The following ONECUT2 variants were observed in gnomAD, a reference collection of about 807,000 sequenced individuals.
ONECUT2 encodes the protein one cut homeobox 2.
Under a neutral mutation model 27.9 loss-of-function variants are expected in ONECUT2, and 10 were observed. The observed-to-expected ratio is 0.36, with a 90% CI of 0.22 to 0.61. ONECUT2 has a LOEUF of 0.61. Among genes scored for constraint, ONECUT2 ranks in the 20% least tolerant of loss-of-function variants. The probability of loss-of-function intolerance (pLI) is 0.73; values close to 1 mark genes in which losing one functional copy is unlikely to be tolerated. For missense variants in ONECUT2, 686 were observed against 721.0 expected, an observed-to-expected ratio of 0.95 and a Z score of 0.56; for synonymous variants, 334 against 315.1, an observed-to-expected ratio of 1.06 and a Z score of -0.64.
In ONECUT2 at chr18:57,489,700, A is replaced by G. The variant is rs1004620677; in HGVS notation, c.*12977A>G. 2.6e-5 allele frequency: 4 copies of G among 152,098 alleles called. No individual in the cohort carries two copies. The highest frequency in any genetic ancestry group is 5.9e-5 in the Non-Finnish European group (4 of 68,036). 9.4% of individuals were successfully genotyped at this position (152,098 alleles called of 1,614,324 possible). A position where few individuals can be genotyped will look rare whatever the true frequency, so the allele number is the denominator to read the frequency against. On this transcript the variant is annotated 3_prime_UTR_variant, in exon 2 of 2. Transcript: ENST00000491143. ...TAGCAATCGGATAGGTAGTCATACC[A>G]TTAACAGATACTTCCTTGAAGGTAG...
chr18:57,475,973 C>T (rs617148), intron 1 of ONECUT2, among the ~76,000 whole-genome samples: 146,579 of 152,218 alleles, frequency 0.96, 70,816 homozygotes, highest in East Asian at 1. Context: ...AGCTTTGATT[C>T]TGAAAAACTA....
At chr18:57,437,067 T>C in intron 1 of ONECUT2, 123 bp downstream of exon 1, 1 of 1,423,922 alleles carries the variant, frequency 7.0e-7, no homozygotes, top group Non-Finnish European at 9.2e-7. Flanking sequence ...CCTATACACG[T>C]CCTCTTTCTT....
At chr18:57,448,390 A>G (rs1024925217) in intron 1 of ONECUT2, among the ~76,000 whole-genome samples, 2 of 152,208 alleles carry the variant, frequency 1.3e-5, no homozygotes, top group Non-Finnish European at 2.9e-5. Flanking sequence ...GGGAAAATCC[A>G]TCCCAAAACA....
chr18:57,459,360 G>A (rs796550220), intron 1 of ONECUT2, among the ~76,000 whole-genome samples: 67 of 152,274 alleles, frequency 4.4e-4, no homozygotes, highest in African/African-American at 1.5e-3. Context: ...AATGAGAAAA[G>A]GGTCAATACA....
intron 1 of ONECUT2, among the ~76,000 whole-genome samples, chr18:57,441,585 G>T (rs2050174397): frequency 6.6e-6 from 1 of 152,278 alleles, no homozygotes; most frequent in Non-Finnish European, 1.5e-5. Flanking sequence ...CGCCTGGGCG[G>T]CTGGGTCCGC....
intron 1 of ONECUT2, among the ~76,000 whole-genome samples, chr18:57,474,830 G>C (rs1405132769): frequency 6.6e-6 from 1 of 152,200 alleles, no homozygotes; most frequent in Admixed American, 6.5e-5. Flanking sequence ...CCAGTGCTTT[G>C]AGAAACATAG....
rs113854018 is a variant in ONECUT2 at position 57,438,035 on chromosome 18, A to G, written c.1228+1091A>G. ...CTCTTTGTGCCTCCTCTAGCGGCCA[A>G]GCTGCGAGGTACAGCCCTCTATTGT... On this transcript the variant is annotated intron_variant, in intron 1 of 1. Coordinates refer to ENST00000491143, the MANE Select transcript of ONECUT2 (RefSeq NM_004852.3). Among the ~76,000 whole-genome samples the G allele has an allele frequency of 2.9e-3, 445 of 152,368 alleles. 1 individual carries two copies. The highest frequency in any genetic ancestry group is 4.6e-3 in the Non-Finnish European group (315 of 68,036).
rs2122124023 is a variant in ONECUT2 at position 57,457,197 on chromosome 18, T to C, written c.1229-19240T>C. ...TTTTCCACATCCTTGCCAACATTTG[T>C]TATTTTTTGTTTTCATTTTGTTTTG... is the stretch of plus-strand genomic sequence containing the variant. On this transcript the variant is annotated intron_variant, in intron 1 of 1. Transcript: ENST00000491143. Among the ~76,000 whole-genome samples, 4 of 152,298 alleles carry C rather than the reference T, an allele frequency of 2.6e-5. 1 individual carries two copies. Among genetic ancestry groups the C allele is most frequent in the Admixed American group, 2.6e-4 (4 of 15,304 alleles).
chr18:57,445,180 G>A (rs2050194766), intron 1 of ONECUT2, among the ~76,000 whole-genome samples: 1 of 152,100 alleles, frequency 6.6e-6, no homozygotes, highest in African/African-American at 2.4e-5. Flanking sequence ...AATTATTTTG[G>A]TTCATTTGTA....
chr18:57,453,551 G>C (rs2050242355), intron 1 of ONECUT2, among the ~76,000 whole-genome samples: 1 of 416 alleles, frequency 2.4e-3, no homozygotes, highest in Non-Finnish European at 0.021. Context: ...AGTGCTCACA[G>C]TTCCCCTGAA....
In ONECUT2 at chr18:57,476,827, C is replaced by CTGG; in HGVS notation, c.*107_*109dup. Reference sequence around the variant, plus strand: ...CCGGATTCCTAGCTGGGGCCCTTCACTGGTGATTTGAAAGCACAATTCTCT... The same window carrying CTGG: ...CCGGATTCCTAGCTGGGGCCCTTCACTGGTGGTGATTTGAAAGCACAATTCTCT... On this transcript the variant is annotated 3_prime_UTR_variant, in exon 2 of 2. Transcript: ENST00000491143. 1.6e-6 allele frequency: 2 copies of CTGG among 1,269,766 alleles called. No homozygotes were observed. Among genetic ancestry groups the CTGG allele is most frequent in the Non-Finnish European group, 2.2e-6 (2 of 929,470 alleles). The allele number at this position is 1,269,766 out of a possible 1,614,324, so 78.7% of individuals were successfully genotyped here.
rs1323326568 is a variant in ONECUT2 at position 57,489,801 on chromosome 18, T to C, written c.*13078T>C. The C allele has an allele frequency of 1.3e-5, 2 of 152,314 alleles. No homozygotes were observed. The highest frequency in any genetic ancestry group is 3.9e-4 in the East Asian group (2 of 5,178). The allele number at this position is 152,314 out of a possible 1,614,324, so 9.4% of individuals were successfully genotyped here. Reference sequence around the variant, plus strand: ...CCAGCAAACTTCTTACCGTGAAATGTTGTAAAACACCTGGCATACTGAAAT... The same window carrying C: ...CCAGCAAACTTCTTACCGTGAAATGCTGTAAAACACCTGGCATACTGAAAT... On this transcript the variant is annotated 3_prime_UTR_variant, in exon 2 of 2. Transcript: ENST00000491143.
At chr18:57,442,985 TGA>T (rs1033372788) in intron 1 of ONECUT2, among the ~76,000 whole-genome samples, 2 of 152,096 alleles carry the variant, frequency 1.3e-5, no homozygotes, top group African/African-American at 4.8e-5. Context: ...ACCCCCGATA[TGA>T]GAGAGAGCCT....
Position 57,483,015 on chromosome 18 carries a change from A to G in ONECUT2, c.*6292A>G, listed in dbSNP as rs565017440. Reference sequence around the variant, plus strand: ...AAGAAATCTTGTATATTATTTAATCATCTGTGTTAGGATGACACCTATGAT... The same window carrying G: ...AAGAAATCTTGTATATTATTTAATCGTCTGTGTTAGGATGACACCTATGAT... On this transcript the variant is annotated 3_prime_UTR_variant, in exon 2 of 2. Transcript: ENST00000491143. 2 of 152,500 alleles carry G rather than the reference A, an allele frequency of 1.3e-5. No individual in the cohort carries two copies. Among genetic ancestry groups the G allele is most frequent in the Non-Finnish European group, 2.9e-5 (2 of 68,014 alleles). 9.4% of individuals were successfully genotyped at this position (152,500 alleles called of 1,614,324 possible).
In ONECUT2 at chr18:57,436,959, A is replaced by C. The variant is rs2050146234; in HGVS notation, c.1228+15A>C. ...ACGCCTGGCAGGTAAGGCCGGGGCT[A>C]GCCAGGGGCCAGGCTGCTGGGAAGA... On this transcript the variant is annotated intron_variant, in intron 1 of 1. Transcript: ENST00000491143. This position sits in a 1 kb window ranked among gnomAD's most constrained non-coding sequence, Gnocchi z 5.9. The C allele has an allele frequency of 8.9e-6, 14 of 1,568,210 alleles. No homozygotes were observed. Among genetic ancestry groups the C allele is most frequent in the Non-Finnish European group, 1.2e-5 (14 of 1,157,300 alleles).
intron 1 of ONECUT2, among the ~76,000 whole-genome samples, chr18:57,457,499 G>A (rs933039517): frequency 2.0e-5 from 3 of 151,974 alleles, no homozygotes; most frequent in African/African-American, 4.8e-5. Context: ...TCTCTAAGAC[G>A]TCCCTCCCCT....
At chr18:57,454,562 C>T (rs572755491) in intron 1 of ONECUT2, among the ~76,000 whole-genome samples, 13 of 152,220 alleles carry the variant, frequency 8.5e-5, no homozygotes, top group Admixed American at 2.6e-4. Flanking sequence ...TTAAATGAGA[C>T]GCCATAAGGG....
intron 1 of ONECUT2, among the ~76,000 whole-genome samples, chr18:57,463,507 G>A (rs2050304185): frequency 6.6e-6 from 1 of 152,140 alleles, no homozygotes; most frequent in Admixed American, 6.6e-5. Context: ...AAAGAAGGAA[G>A]GAAGAGAGGG....
rs185830548 is a variant in ONECUT2 at position 57,454,774 on chromosome 18, C to T, written c.1228+17830C>T. ...GCCAACCATGCAGCCGGACTATTTA[C>T]TCCCCACCCCCAATGTCCTTTTAAG... On this transcript the variant is annotated intron_variant, in intron 1 of 1. Transcript: ENST00000491143. Among the ~76,000 whole-genome samples the T allele has an allele frequency of 4.4e-3, 666 of 152,304 alleles. 1 individual carries two copies. Among genetic ancestry groups the T allele is most frequent in the Admixed American group, 9.3e-3 (142 of 15,304 alleles).
Sources: allele counts gnomAD v4.1 joint callset (sites outside exome capture counted in the v4.1 genomes callset), GRCh38; gene constraint gnomAD v4.1.1; non-coding constraint Gnocchi (gnomAD v3.1); transcripts MANE v1.5; gene names NCBI Gene and HGNC (gene_info 2026-07-23, HGNC 2026-07-21).